CAST: variants seen among roughly 807,000 people sequenced by gnomAD.
The protein encoded by CAST is MIR583 host.
A neutral mutation model predicts 119.6 loss-of-function variants in CAST; 76 were observed. The observed-to-expected ratio is 0.64, with a 90% confidence interval of 0.53 to 0.77. The LOEUF is 0.77. Among genes scored for constraint, CAST ranks in the 30% least tolerant of loss-of-function variants. The pLI, the probability that CAST is intolerant of heterozygous loss-of-function variation, is 0.00. For synonymous variants in CAST, 319 were observed against 331.6 expected (o/e 0.96, Z 0.41); for missense variants, 953 against 946.5 (o/e 1.01, Z -0.09).
chr5:96,724,848 T>C (rs900639318), intron 4 of CAST, among the ~76,000 whole-genome samples: 3 of 151,856 alleles, frequency 2.0e-5, no homozygotes, highest in African/African-American at 7.3e-5. Context: ...AATAAATAAA[T>C]AAATAATCTC....
At chr5:96,288,242 C>T in the CAST span, among the ~76,000 whole-genome samples, 4,791 of 152,144 alleles carry the variant, frequency 0.031, 283 homozygotes, top group African/African-American at 0.11. Flanking sequence ...TACATAGACA[C>T]GGGGACTGTT....
At chr5:96,578,143 C>T (rs1032580802) in intron 1 of CAST, among the ~76,000 whole-genome samples, 2 of 152,064 alleles carry the variant, frequency 1.3e-5, no homozygotes, top group Non-Finnish European at 2.9e-5. Flanking sequence ...ATATGACTTT[C>T]TAGTGAACTA....
chr5:96,543,548 A>T (rs1172466978), intron 1 of CAST, among the ~76,000 whole-genome samples: 2 of 152,076 alleles, frequency 1.3e-5, no homozygotes, highest in African/African-American at 4.8e-5. Flanking sequence ...AAAGTATAAT[A>T]AAAAATAAAT....
At chr5:96,121,615 G>T in the CAST span, among the ~76,000 whole-genome samples, 1 of 152,126 alleles carries the variant, frequency 6.6e-6, no homozygotes, top group Non-Finnish European at 1.5e-5. Flanking sequence ...AAATACAATT[G>T]ATCATCCTAG....
chr5:95,965,793 T>C, the CAST span, among the ~76,000 whole-genome samples: 3 of 152,258 alleles, frequency 2.0e-5, no homozygotes, highest in African/African-American at 7.2e-5. Context: ...CTTCAGCAGA[T>C]ATTCATAGAG....
At chr5:96,750,224 G>A (rs1764702074) in intron 19 of CAST, among the ~76,000 whole-genome samples, 1 of 152,120 alleles carries the variant, frequency 6.6e-6, no homozygotes, top group Non-Finnish European at 1.5e-5. Context: ...TTGCTCAAAT[G>A]TATTGAGCTA....
At chr5:96,428,003 AG>A in the CAST span, among the ~76,000 whole-genome samples, 1 of 152,194 alleles carries the variant, frequency 6.6e-6, no homozygotes, top group African/African-American at 2.4e-5. Context: ...AAGAGCTAGC[AG>A]TGGGTGTAGA....
chr5:96,419,656 A>G, the CAST span, among the ~76,000 whole-genome samples: 1 of 151,906 alleles, frequency 6.6e-6, no homozygotes, highest in African/African-American at 2.4e-5. Flanking sequence ...TGCTGTGTGG[A>G]AGATTCACAG....
chr5:96,147,520 G>T, the CAST span, among the ~76,000 whole-genome samples: 2 of 152,054 alleles, frequency 1.3e-5, no homozygotes, highest in African/African-American at 4.8e-5. Context: ...GGAGAATGGC[G>T]TGAACCTGGG....
intron 24 of CAST, among the ~76,000 whole-genome samples, chr5:96,760,050 G>T (rs1163855627): frequency 6.6e-6 from 1 of 152,008 alleles, no homozygotes; most frequent in Non-Finnish European, 1.5e-5. Context: ...AAGGTTTAAA[G>T]ATGACTCTAA....
At chr5:96,412,584 A>AT in the CAST span, 1 of 1,212,968 alleles carries the variant, frequency 8.2e-7, no homozygotes, top group Admixed American at 1.9e-5. Context: ...TTTTTAAAGG[A>AT]TTTTAAGAGT....
intron 3 of CAST, among the ~76,000 whole-genome samples, chr5:96,706,954 T>TC (rs1272677370): frequency 6.6e-6 from 1 of 152,150 alleles, no homozygotes; most frequent in African/African-American, 2.4e-5. Context: ...GTGTTGTCAG[T>TC]CCCCCAGGCA....
the CAST span, among the ~76,000 whole-genome samples, chr5:96,303,618 AC>A: frequency 8.1e-6 from 1 of 123,790 alleles, no homozygotes; most frequent in South Asian, 2.5e-4. Flanking sequence ...CTAGTCCCCC[AC>A]CCCCCAGTTT....
chr5:96,284,916 C>T, the CAST span, among the ~76,000 whole-genome samples: 1 of 152,144 alleles, frequency 6.6e-6, no homozygotes, highest in East Asian at 1.9e-4. Context: ...TCTTTCACTA[C>T]CCATAGTTTG....
the CAST span, among the ~76,000 whole-genome samples, chr5:96,156,437 A>G: frequency 6.6e-6 from 1 of 152,202 alleles, no homozygotes. Flanking sequence ...TTTGGTCCCT[A>G]TGACATCCTT....
the CAST span, among the ~76,000 whole-genome samples, chr5:96,416,823 A>G: frequency 6.6e-6 from 1 of 152,224 alleles, no homozygotes; most frequent in East Asian, 1.9e-4. Context: ...GTAATTTATG[A>G]TTTCAGAGTA....
At chr5:96,754,585 C>T in intron 21 of CAST, 73 bp from the exon 22 acceptor site, 1 of 866,286 alleles carries the variant, frequency 1.2e-6, no homozygotes, top group Non-Finnish European at 1.9e-6. Context: ...TACCTCAAAT[C>T]TAGTCACTCA....
the CAST span, among the ~76,000 whole-genome samples, chr5:96,063,864 T>C: frequency 3.9e-5 from 6 of 152,176 alleles, no homozygotes; most frequent in African/African-American, 1.4e-4. Context: ...AGATTTATCA[T>C]TCTGCCTCCT....
chr5:96,102,522 C>A, the CAST span, among the ~76,000 whole-genome samples: 1 of 152,040 alleles, frequency 6.6e-6, no homozygotes, highest in Non-Finnish European at 1.5e-5. Flanking sequence ...AGAGAGCAGG[C>A]AAATAGGGAT....
Sources: gnomAD v4.1 joint callset for allele counts (sites outside exome capture counted in the v4.1 genomes callset) on GRCh38, gnomAD v4.1.1 for gene constraint, MANE v1.5 for transcripts, NCBI Gene and HGNC (gene_info 2026-07-23, HGNC 2026-07-21) for gene names.